Variants in BRK1 observed in about 807,000 individuals in gnomAD.
BRK1 encodes the protein protein BRICK1.
In BRK1, 6 loss-of-function variants were observed where a neutral mutation model predicts 9.9. The ratio of observed to expected loss-of-function variants is 0.60; its 90% confidence interval spans 0.33 to 1.19. The LOEUF (loss-of-function observed/expected upper bound fraction) is 1.19, where lower values mean the gene tolerates loss of function less well. Among genes scored for constraint, BRK1 ranks in the 50% most tolerant of loss-of-function variants. The probability of loss-of-function intolerance (pLI) is 0.04; values close to 1 mark genes in which losing one functional copy is unlikely to be tolerated. For synonymous variants in BRK1, 44 were observed against 31.9 expected, an observed-to-expected ratio of 1.38 and a Z score of -1.28; for missense variants, 62 against 97.5, an observed-to-expected ratio of 0.64 and a Z score of 1.53.
At chr3:10,121,944 C>A (rs186853355) in intron 1 of BRK1, among the ~76,000 whole-genome samples, 1 of 141,442 alleles carries the variant, frequency 7.1e-6, no homozygotes, top group East Asian at 2.1e-4. Context: ...GGCTGGAGTG[C>A]AGTGGTGCAG....
intron 1 of BRK1, 75 bp downstream of exon 1, chr3:10,115,894 C>A (rs1334597222): frequency 1.4e-5 from 16 of 1,167,170 alleles, no homozygotes; most frequent in Non-Finnish European, 1.9e-5. Flanking sequence ...CGGGGAGATG[C>A]TTTGAGAGGA....
chr3:10,115,840 A>G (rs1275653178), intron 1 of BRK1, 21 bp downstream of exon 1: 3 of 1,595,410 alleles, frequency 1.9e-6, no homozygotes, highest in Admixed American at 1.7e-5. Flanking sequence ...CAGCAAGGGG[A>G]GGCGGGGAGG....
At chr3:10,118,963 A>G (rs1310096692) in intron 1 of BRK1, among the ~76,000 whole-genome samples, 1 of 151,986 alleles carries the variant, frequency 6.6e-6, no homozygotes, top group African/African-American at 2.4e-5. Flanking sequence ...ACTGCCATTT[A>G]ATGAATAGTA....
intron 1 of BRK1, among the ~76,000 whole-genome samples, chr3:10,123,649 TG>T (rs1335056275): frequency 1.5e-5 from 2 of 134,558 alleles, no homozygotes; most frequent in Non-Finnish European, 3.1e-5. Flanking sequence ...TTAGCCAGGA[TG>T]GTCTCCATCT....
intron 1 of BRK1, among the ~76,000 whole-genome samples, chr3:10,122,593 G>A (rs149963000): frequency 1.8e-3 from 269 of 152,134 alleles, no homozygotes; most frequent in Admixed American, 3.1e-3. Context: ...TCCACCTACT[G>A]AGTAGTAATT....
chr3:10,122,328 T>C (rs967853201), intron 1 of BRK1, among the ~76,000 whole-genome samples: 3 of 144,498 alleles, frequency 2.1e-5, no homozygotes, highest in African/African-American at 7.3e-5. Flanking sequence ...TCTTAAATAG[T>C]AGTGATGCAC....
intron 1 of BRK1, among the ~76,000 whole-genome samples, chr3:10,118,996 G>A (rs536123758): frequency 1.5e-3 from 222 of 145,338 alleles, no homozygotes; most frequent in African/African-American, 5.7e-3. Context: ...TTTCCTAATG[G>A]TTTTTTTTGT....
intron 1 of BRK1, among the ~76,000 whole-genome samples, chr3:10,117,430 C>G (rs1434777803): frequency 2.9e-5 from 4 of 137,362 alleles, no homozygotes; most frequent in East Asian, 2.1e-4. Context: ...GGGTCTCACT[C>G]TAGCCCAGGC....
chr3:10,124,970 T>G (rs1559420308), intron 1 of BRK1, among the ~76,000 whole-genome samples: 1 of 152,196 alleles, frequency 6.6e-6, no homozygotes, highest in Non-Finnish European at 1.5e-5. Flanking sequence ...CCTACATTTG[T>G]GGACTATGAT....
At chr3:10,124,471 CA>C (rs979872406) in intron 1 of BRK1, among the ~76,000 whole-genome samples, 3 of 151,452 alleles carry the variant, frequency 2.0e-5, no homozygotes, top group East Asian at 1.9e-4. Flanking sequence ...AAAAAAAAAC[CA>C]AAAAAACAAA....
Position 10,125,676 on chromosome 3 carries a change from C to G in BRK1, c.169C>G (p.Leu57Val). Reference protein sequence around the residue: ...LATLNEKLTALERRIEYIEAR... With the variant: ...LATLNEKLTAVERRIEYIEAR... ...AACACTAAACGAGAAATTGACAGCC[C>G]TTGAACGGAGAATAGAGTACATTGA... The change falls in exon 2 of 3, where the codon CTT becomes GTT. Residue 57 changes from leucine to valine, a missense_variant. By Grantham distance (32) the Leu-to-Val change is conservative. Transcript: ENST00000530758. The G allele has an allele frequency of 6.2e-7, 1 of 1,613,012 alleles. No individual in the cohort carries two copies. The highest frequency in any genetic ancestry group is 2.2e-5 in the East Asian group (1 of 44,870).
chr3:10,121,736 C>CTTT (rs112279447), intron 1 of BRK1, among the ~76,000 whole-genome samples: 11 of 147,134 alleles, frequency 7.5e-5, no homozygotes, highest in African/African-American at 2.0e-4. Context: ...ATTCCTCAAA[C>CTTT]TTTTTTTTTT....
At chr3:10,117,219 CGACT>C (rs1428924673) in intron 1 of BRK1, among the ~76,000 whole-genome samples, 1 of 151,964 alleles carries the variant, frequency 6.6e-6, no homozygotes, top group Non-Finnish European at 1.5e-5. Context: ...CCAGCCTAGG[CGACT>C]GACTGAAAAT....
Position 10,126,371 on chromosome 3 carries a change from C to T in BRK1, c.*76C>T, listed in dbSNP as rs1234477314. The T allele has an allele frequency of 5.4e-6, 7 of 1,295,626 alleles. No individual in the cohort carries two copies. Among genetic ancestry groups the T allele is most frequent in the Non-Finnish European group, 7.5e-6 (7 of 930,494 alleles). The allele number at this position is 1,295,626 out of a possible 1,614,324, so 80.3% of individuals were successfully genotyped here. On this transcript the variant is annotated 3_prime_UTR_variant, in exon 3 of 3. Coordinates refer to ENST00000530758, the MANE Select transcript of BRK1 (RefSeq NM_018462.5). ...TGGGAAAGGCCCCAGCAGCCTTCAG[C>T]TCCTTCCTTTCTCCTTAAAGAGCAA...
At chr3:10,119,883 G>T (rs193034064) in intron 1 of BRK1, among the ~76,000 whole-genome samples, 1 of 152,204 alleles carries the variant, frequency 6.6e-6, no homozygotes, top group East Asian at 1.9e-4. Flanking sequence ...TTTGTACTGA[G>T]CCAACAAATG....
intron 2 of BRK1, 31 bp from the exon 3 acceptor site, chr3:10,126,238 T>C (rs1695838853): frequency 6.7e-7 from 1 of 1,488,222 alleles, no homozygotes; most frequent in Admixed American, 2.7e-5. Flanking sequence ...TTTTAATTTA[T>C]CTAAATGTCA....
rs1300013302 is a variant in BRK1, at chr3:10,125,830, C to T, written c.201+122C>T. The T allele has an allele frequency of 4.4e-6, 3 of 677,510 alleles. No homozygotes were observed. The African/African-American group carries it at 5.5e-5, about 12-fold the overall frequency. The allele number at this position is 677,510 out of a possible 1,614,324, so 42.0% of individuals were successfully genotyped here. A position where few individuals can be genotyped will look rare whatever the true frequency, so the allele number is the denominator to read the frequency against. On this transcript the variant is annotated intron_variant, in intron 2 of 2. Coordinates refer to ENST00000530758, the MANE Select transcript of BRK1 (RefSeq NM_018462.5). The stretch of plus-strand genomic sequence containing the variant: ...CACTGGCCGGACATGGTGGCTCACG[C>T]CTGTAATCCCAGCACTTTGGGAGGC...
chr3:10,120,663 C>G (rs1695744829), intron 1 of BRK1, among the ~76,000 whole-genome samples: 1 of 152,128 alleles, frequency 6.6e-6, no homozygotes, highest in South Asian at 2.1e-4. Context: ...CTGCTGAATG[C>G]TTTCTCAGTG....
intron 2 of BRK1, 111 bp from the exon 3 acceptor site, chr3:10,126,158 A>C (rs1695837271): frequency 2.9e-6 from 2 of 690,750 alleles, no homozygotes; most frequent in Admixed American, 3.6e-5. Context: ...GTGACTTCAC[A>C]GCTATCTTCT....
Sources: allele counts gnomAD v4.1 joint callset (sites outside exome capture counted in the v4.1 genomes callset), GRCh38; gene constraint gnomAD v4.1.1; transcripts MANE v1.5; gene names NCBI Gene and HGNC (gene_info 2026-07-23, HGNC 2026-07-21).